GRM5: variants seen among roughly 807,000 people sequenced by gnomAD.
The protein encoded by GRM5 is metabotropic glutamate receptor 5.
Under a neutral mutation model 83.1 loss-of-function variants are expected in GRM5, and 19 were observed. That is an observed-to-expected ratio of 0.23 (90% CI 0.16 to 0.34). The LOEUF is 0.34. Ranked by LOEUF, GRM5 falls within the 10% of genes least tolerant of loss-of-function variation. GRM5 has a pLI of 1.00. For missense variants in GRM5, 1,160 were observed against 1,588.3 expected (o/e 0.73, Z 4.58); for synonymous variants, 675 against 633.6 (o/e 1.07, Z -0.98).
At chr11:88,774,064 T>C (rs1246975610) in intron 3 of GRM5, among the ~76,000 whole-genome samples, 1 of 152,194 alleles carries the variant, frequency 6.6e-6, no homozygotes, top group African/African-American at 2.4e-5. Context: ...TTTCACAATA[T>C]TGATTTTTCC....
intron 5 of GRM5, among the ~76,000 whole-genome samples, chr11:88,598,194 T>TA (rs1472499446): frequency 6.6e-6 from 1 of 152,096 alleles, no homozygotes; most frequent in Non-Finnish European, 1.5e-5. Context: ...CCTCAGGACT[T>TA]ATAGTACTGA....
At chr11:88,542,464 A>G (rs1227416566) in intron 8 of GRM5, among the ~76,000 whole-genome samples, 1 of 152,190 alleles carries the variant, frequency 6.6e-6, no homozygotes, top group African/African-American at 2.4e-5. Context: ...CTTTTTAAAC[A>G]TTGTTTCAAA....
chr11:88,751,358 A>G (rs1942270551), intron 3 of GRM5, among the ~76,000 whole-genome samples: 5 of 152,330 alleles, frequency 3.3e-5, no homozygotes, highest in Middle Eastern at 3.4e-3. Flanking sequence ...AATCTAGAAG[A>G]AACCGATACA....
intron 3 of GRM5, among the ~76,000 whole-genome samples, chr11:88,847,741 TA>T (rs1033001072): frequency 4.6e-5 from 7 of 152,060 alleles, no homozygotes; most frequent in African/African-American, 9.6e-5. Flanking sequence ...AATGTGGGGA[TA>T]AAAAAAATCT....
At chr11:88,835,481 T>G (rs1216359543) in intron 3 of GRM5, among the ~76,000 whole-genome samples, 3 of 152,192 alleles carry the variant, frequency 2.0e-5, no homozygotes, top group Non-Finnish European at 2.9e-5. Flanking sequence ...TTACATATTT[T>G]AAATCTCACC....
At chr11:88,718,151 T>G (rs1214171784) in intron 3 of GRM5, among the ~76,000 whole-genome samples, 1 of 151,864 alleles carries the variant, frequency 6.6e-6, no homozygotes, top group Admixed American at 6.6e-5. Flanking sequence ...AAATTCTACT[T>G]CCTGATTTTA....
chr11:88,819,969 T>C (rs1443725789), intron 3 of GRM5, among the ~76,000 whole-genome samples: 1 of 152,172 alleles, frequency 6.6e-6, no homozygotes, highest in Non-Finnish European at 1.5e-5. Context: ...ATTAATCTAT[T>C]CATGAGCTCA....
chr11:88,995,831 T>C (rs1940168636), intron 2 of GRM5, among the ~76,000 whole-genome samples: 1 of 152,028 alleles, frequency 6.6e-6, no homozygotes, highest in Admixed American at 6.6e-5. Context: ...AAATAAAATA[T>C]CTACAAATGT....
Position 88,504,908 on chromosome 11 carries a change from C to A in GRM5, c.*3684G>T, listed in dbSNP as rs188552689. 15 of 152,230 alleles carry A rather than the reference C, an allele frequency of 9.9e-5. No homozygotes were observed. Among genetic ancestry groups the A allele is most frequent in the African/African-American group, 3.1e-4 (13 of 41,554 alleles). 9.4% of individuals were successfully genotyped at this position (152,230 alleles called of 1,614,324 possible). A position where few individuals can be genotyped will look rare whatever the true frequency, so the allele number is the denominator to read the frequency against. ...AGTAAGTACAAGCACTTTTAGCCCA[C>A]ACAAATCTTTTAGGATTGGCACCAT... On this transcript the variant is annotated 3_prime_UTR_variant, in exon 10 of 10. Transcript: ENST00000305447.
intron 3 of GRM5, among the ~76,000 whole-genome samples, chr11:88,767,072 T>A (rs1809131609): frequency 6.6e-6 from 1 of 152,034 alleles, no homozygotes; most frequent in Non-Finnish European, 1.5e-5. Flanking sequence ...TGCAGTGTCA[T>A]AATCACAGTT....
chr11:89,012,476 T>A (rs1319056234), intron 2 of GRM5, among the ~76,000 whole-genome samples: 1 of 152,162 alleles, frequency 6.6e-6, no homozygotes, highest in East Asian at 1.9e-4. Context: ...TTGGTCATCT[T>A]TATTGTTGCA....
At chr11:88,794,729 G>A (rs1943242221) in intron 3 of GRM5, among the ~76,000 whole-genome samples, 1 of 152,228 alleles carries the variant, frequency 6.6e-6, no homozygotes, top group East Asian at 1.9e-4. Context: ...GATGATGAAC[G>A]AGTGTTAAGG....
intron 3 of GRM5, among the ~76,000 whole-genome samples, chr11:88,655,261 T>A (rs1371116405): frequency 6.6e-6 from 1 of 152,064 alleles, no homozygotes; most frequent in Non-Finnish European, 1.5e-5. Context: ...CAAGTTGAAA[T>A]GAAGTGGGCT....
chr11:88,658,721 G>A (rs915943841), intron 3 of GRM5, among the ~76,000 whole-genome samples: 7 of 152,152 alleles, frequency 4.6e-5, no homozygotes, highest in Non-Finnish European at 1.0e-4. Flanking sequence ...AGTGATACCA[G>A]CATTTTGAAA....
At chr11:88,660,397 G>A (rs930491431) in intron 3 of GRM5, among the ~76,000 whole-genome samples, 3 of 151,992 alleles carry the variant, frequency 2.0e-5, no homozygotes, top group African/African-American at 7.3e-5. Flanking sequence ...ATATACAATG[G>A]GCATGGATTT....
At chr11:88,541,230 ATTACT>A (rs1942260936) in intron 8 of GRM5, among the ~76,000 whole-genome samples, 1 of 152,182 alleles carries the variant, frequency 6.6e-6, no homozygotes, top group African/African-American at 2.4e-5. Flanking sequence ...GGAAAGTGAG[ATTACT>A]TTAATTTCAC....
intron 8 of GRM5, among the ~76,000 whole-genome samples, chr11:88,535,738 TATAA>T (rs1280878291): frequency 6.6e-6 from 1 of 152,216 alleles, no homozygotes; most frequent in African/African-American, 2.4e-5. Flanking sequence ...TTTGACTGTT[TATAA>T]ATACTGTGTG....
chr11:88,553,761 C>T (rs3862362), intron 8 of GRM5, among the ~76,000 whole-genome samples: 40,835 of 151,986 alleles, frequency 0.27, 5,533 homozygotes, highest in Admixed American at 0.35. Flanking sequence ...TATTCTTGTC[C>T]TCAATGATCT....
intron 7 of GRM5, among the ~76,000 whole-genome samples, chr11:88,573,120 CTG>C (rs1294579767): frequency 1.3e-5 from 2 of 152,082 alleles, no homozygotes; most frequent in African/African-American, 2.4e-5. Flanking sequence ...ATTCGTAAGT[CTG>C]TGGTTCTCTT....
Sources: allele counts gnomAD v4.1 joint callset (sites outside exome capture counted in the v4.1 genomes callset), GRCh38; gene constraint gnomAD v4.1.1; transcripts MANE v1.5; gene names NCBI Gene and HGNC (gene_info 2026-07-23, HGNC 2026-07-21).